The following DOCK1 variants were observed in gnomAD, a reference collection of about 807,000 sequenced individuals.
DOCK1 encodes the protein dedicator of cytokinesis 1, also known as dedicator of cytokinesis protein 1.
DOCK1 carries 138 observed loss-of-function variants against 262.7 expected under a neutral mutation model. That is an observed-to-expected ratio of 0.53 (90% CI 0.46 to 0.61). DOCK1 has a LOEUF of 0.61. DOCK1 is among the 20% of genes least tolerant of loss of function. The probability of loss-of-function intolerance (pLI) is 0.00; values close to 1 mark genes in which losing one functional copy is unlikely to be tolerated. For missense variants in DOCK1, 1,908 were observed against 2,370.7 expected (o/e 0.80, Z 4.05); for synonymous variants, 866 against 867.4 (o/e 1.00, Z 0.03).
At chr10:127,094,556 G>A (rs754664389) in intron 23 of DOCK1, among the ~76,000 whole-genome samples, 5 of 152,186 alleles carry the variant, frequency 3.3e-5, no homozygotes, top group Non-Finnish European at 5.9e-5. Context: ...GGACAGCGAG[G>A]CAGCTGGAGG....
intron 39 of DOCK1, among the ~76,000 whole-genome samples, chr10:127,403,673 C>T (rs1227768717): frequency 3.3e-5 from 5 of 152,116 alleles, no homozygotes; most frequent in African/African-American, 9.7e-5. Flanking sequence ...GCTGGAGAAT[C>T]GCTTGAACCC....
chr10:127,390,253 A>G (rs994269063), intron 38 of DOCK1, among the ~76,000 whole-genome samples: 6 of 152,140 alleles, frequency 3.9e-5, no homozygotes, highest in African/African-American at 9.7e-5. Context: ...CCAACTCTCA[A>G]TTAATTGGTA....
At position 127,024,705 on chromosome 10, in the gene DOCK1, T is replaced by C; in HGVS notation, c.1473T>C (p.Ala491=). The stretch of plus-strand genomic sequence containing the variant: ...TAAAGCATGTGATTTTCCCGGGTGC[T>C]GGTGATGAAGCGATTTCAGAGTACA... ...KRLEHVIFPG[A]GDEAISEYKS... The change falls in exon 15 of 52, where the codon GCT becomes GCC. Residue 491 remains alanine (A), a synonymous_variant. Coordinates refer to ENST00000623213, the MANE Select transcript of DOCK1 (RefSeq NM_001290223.2). 6.2e-7 allele frequency: 1 copy of C among 1,612,012 alleles called. No homozygotes were observed. Among genetic ancestry groups the C allele is most frequent in the Non-Finnish European group, 8.5e-7 (1 of 1,179,214 alleles).
At chr10:127,425,785 T>C in intron 46 of DOCK1, 89 bp from the exon 47 acceptor site, 2 of 1,554,886 alleles carry the variant, frequency 1.3e-6, no homozygotes, top group Admixed American at 3.6e-5. Context: ...AAGCAGATCG[T>C]TTTGCCAGTT....
At chr10:127,198,393 G>T (rs2134206485) in intron 27 of DOCK1, among the ~76,000 whole-genome samples, 1 of 152,346 alleles carries the variant, frequency 6.6e-6, no homozygotes, top group South Asian at 2.1e-4. Context: ...AAATAAAGCT[G>T]CCAGGAAACT....
intron 29 of DOCK1, among the ~76,000 whole-genome samples, chr10:127,278,237 C>T (rs74158650): frequency 0.023 from 3,489 of 152,108 alleles, 115 homozygotes; most frequent in African/African-American, 0.08. Flanking sequence ...CTGTAGTTAC[C>T]TTTTAAAAGG....
chr10:127,003,218 G>T (rs1360612673), intron 10 of DOCK1, among the ~76,000 whole-genome samples: 1 of 145,750 alleles, frequency 6.9e-6, no homozygotes, highest in Non-Finnish European at 1.5e-5. Context: ...GCGTGAACCT[G>T]TGTGAACCTT....
rs1167201616 is a variant in DOCK1, at chr10:126,970,637, C to T, written c.47-65C>T. On this transcript the variant is annotated intron_variant, in intron 1 of 51. Transcript: ENST00000623213. ...AAACAACAACATTAAAACAAGCCAA[C>T]ACGACTCAGCATGGTCACTTCTATC... The T allele has an allele frequency of 9.2e-6, 12 of 1,297,716 alleles. No individual in the cohort carries two copies. In the East Asian group the frequency reaches 1.4e-4, roughly 15 times the overall value. The allele number at this position is 1,297,716 out of a possible 1,614,324, so 80.4% of individuals were successfully genotyped here.
At chr10:127,284,868 C>T (rs1206250265) in intron 29 of DOCK1, among the ~76,000 whole-genome samples, 1 of 152,174 alleles carries the variant, frequency 6.6e-6, no homozygotes, top group Non-Finnish European at 1.5e-5. Flanking sequence ...TGCGGTGGCT[C>T]ACGCTTGTAA....
intron 33 of DOCK1, among the ~76,000 whole-genome samples, chr10:127,363,014 C>G (rs199784847): frequency 3.4e-3 from 55 of 15,946 alleles, no homozygotes; most frequent in East Asian, 6.5e-3. Flanking sequence ...CGCACATCCC[C>G]ACACACACAC....
intron 33 of DOCK1, among the ~76,000 whole-genome samples, 159 bp downstream of exon 33, chr10:127,362,371 T>C (rs1447021687): frequency 6.6e-6 from 1 of 152,250 alleles, no homozygotes; most frequent in Non-Finnish European, 1.5e-5. Flanking sequence ...ATTTTCCTTA[T>C]TGAAGAAGCT....
chr10:126,993,364 A>T (rs1394155239), intron 6 of DOCK1, among the ~76,000 whole-genome samples: 1 of 152,120 alleles, frequency 6.6e-6, no homozygotes, highest in Non-Finnish European at 1.5e-5. Flanking sequence ...ACCATGCCCT[A>T]CCCACAGTAG....
chr10:127,194,661 G>C lies in DOCK1; in HGVS notation c.2848-53347G>C, dbSNP rs77230136. Reference sequence around the variant, plus strand: ...AGTACCCAGCCAGCGCAGTCACTCTGACAGTCCCCCCACTGAGATAAGGCA... The same window carrying C: ...AGTACCCAGCCAGCGCAGTCACTCTCACAGTCCCCCCACTGAGATAAGGCA... On this transcript the variant is annotated intron_variant, in intron 27 of 51. Coordinates refer to ENST00000623213, the MANE Select transcript of DOCK1 (RefSeq NM_001290223.2). Among the ~76,000 whole-genome samples the C allele has an allele frequency of 5.4e-3, 817 of 152,250 alleles. 4 individuals carry two copies. Among genetic ancestry groups the C allele is most frequent in the Non-Finnish European group, 9.2e-3 (623 of 68,022 alleles).
chr10:127,172,904 G>A (rs1236081344), intron 27 of DOCK1, among the ~76,000 whole-genome samples: 1 of 152,196 alleles, frequency 6.6e-6, no homozygotes, highest in East Asian at 1.9e-4. Flanking sequence ...TATGTATGTG[G>A]CTATCGAGCA....
intron 1 of DOCK1, among the ~76,000 whole-genome samples, chr10:126,938,103 A>G (rs2034679826): frequency 1.3e-5 from 2 of 151,166 alleles, no homozygotes; most frequent in Admixed American, 1.3e-4. Flanking sequence ...CTGGAGTGCA[A>G]TGGCACGATC....
chr10:127,435,631 A>G (rs1041383388), intron 48 of DOCK1, among the ~76,000 whole-genome samples: 5 of 152,164 alleles, frequency 3.3e-5, no homozygotes, highest in Non-Finnish European at 4.4e-5. Flanking sequence ...TTCTAGGAAC[A>G]TAGGGGTTAG....
At chr10:126,928,101 T>C (rs2134160882) in intron 1 of DOCK1, among the ~76,000 whole-genome samples, 1 of 152,300 alleles carries the variant, frequency 6.6e-6, no homozygotes, top group Non-Finnish European at 1.5e-5. Context: ...CCTAGCCTCG[T>C]GTCGCTCGTT....
Position 126,998,108 on chromosome 10 carries a change from T to C in DOCK1, c.626T>C (p.Ile209Thr), listed in dbSNP as rs747008222. The C allele has an allele frequency of 4.3e-6, 7 of 1,613,898 alleles. No homozygotes were observed. The highest frequency in any genetic ancestry group is 1.1e-5 in the South Asian group (1 of 91,076). The change falls in exon 8 of 52, where the codon ATA becomes ACA. Residue 209 changes from isoleucine (I) to threonine (T), a missense_variant. By Grantham distance (89) the Ile-to-Thr change is moderately conservative. Around this residue, in one of 9 missense-constraint regions of DOCK1, gnomAD observed 227 missense variants for 254.1 expected, o/e 0.89. Coordinates refer to ENST00000623213, the MANE Select transcript of DOCK1 (RefSeq NM_001290223.2). The part of the protein sequence containing the change: ...LQEEKSQKQN[I>T]DINRQAKFAA... ...CATACACAGTCTCAAAAGCAGAACATAGATATTAACAGACAAGCCAAGTTT... is the reference window on the plus strand; with the variant it reads ...CATACACAGTCTCAAAAGCAGAACACAGATATTAACAGACAAGCCAAGTTT...
At chr10:127,057,272 G>A (rs2045224255) in intron 22 of DOCK1, among the ~76,000 whole-genome samples, 1 of 152,176 alleles carries the variant, frequency 6.6e-6, no homozygotes, top group Non-Finnish European at 1.5e-5. Flanking sequence ...GAATTCATGA[G>A]TGTGTTTTCC....
Sources: allele counts gnomAD v4.1 joint callset (sites outside exome capture counted in the v4.1 genomes callset), GRCh38; gene constraint gnomAD v4.1.1; regional missense constraint gnomAD v4.1.1; transcripts MANE v1.5; gene names NCBI Gene and HGNC (gene_info 2026-07-23, HGNC 2026-07-21).